Variants in TYW1B observed in about 807,000 individuals in gnomAD.
TYW1B encodes tRNA-yW synthesizing protein 1 homolog B.
TYW1B carries 73 observed loss-of-function variants against 86.9 expected under a neutral mutation model. The observed-to-expected ratio is 0.84, with a 90% CI of 0.70 to 1.02. The LOEUF (loss-of-function observed/expected upper bound fraction) is 1.02. Ranked by LOEUF, TYW1B falls within the 50% of genes least tolerant of loss-of-function variation. The probability of loss-of-function intolerance (pLI) is 0.00; values close to 1 mark genes in which losing one functional copy is unlikely to be tolerated. For synonymous variants in TYW1B, 248 were observed against 292.8 expected (o/e 0.85, Z 1.56); for missense variants, 637 against 827.4 (o/e 0.77, Z 2.82).
intron 6 of TYW1B, among the ~76,000 whole-genome samples, chr7:72,802,146 C>A (rs1788412977): frequency 6.6e-6 from 1 of 152,044 alleles, no homozygotes; most frequent in South Asian, 2.1e-4. Context: ...ATTGGACACC[C>A]CCGATCTACA....
In TYW1B at chr7:72,816,780, T is replaced by C. The variant is rs1218239614; in HGVS notation, c.136-1299A>G. 4.6e-5 allele frequency among the ~76,000 whole-genome samples: 7 copies of C among 152,098 alleles called. No individual in the cohort carries two copies. The South Asian group carries it at 1.5e-3, about 32-fold the overall frequency. On this transcript the variant is annotated intron_variant, in intron 2 of 13. Coordinates refer to ENST00000620995, the MANE Select transcript of TYW1B (RefSeq NM_001145440.3). ...GCCTCCAAGAAAAACCCCTGAACAA[T>C]GGAGACTGTTGACTTGGTGAACATA...
intron 7 of TYW1B, among the ~76,000 whole-genome samples, chr7:72,764,524 G>A (rs1212702182): frequency 1.3e-5 from 2 of 152,058 alleles, no homozygotes; most frequent in Non-Finnish European, 2.9e-5. Flanking sequence ...CTCGTCATCC[G>A]CCCACCTCGG....
At chr7:72,761,464 A>G (rs1407037290) in intron 7 of TYW1B, among the ~76,000 whole-genome samples, 1 of 152,032 alleles carries the variant, frequency 6.6e-6, no homozygotes, top group Admixed American at 6.6e-5. Context: ...ATTTTGAGTC[A>G]GACATAGTGG....
chr7:72,823,437 T>C (rs1160903924), intron 2 of TYW1B, among the ~76,000 whole-genome samples: 2 of 151,938 alleles, frequency 1.3e-5, no homozygotes, highest in African/African-American at 4.8e-5. Context: ...CAGACCACCA[T>C]GGTGAAACCC....
intron 11 of TYW1B, among the ~76,000 whole-genome samples, chr7:72,640,961 T>C (rs1554441414): frequency 1.3e-5 from 2 of 151,760 alleles, no homozygotes; most frequent in African/African-American, 2.4e-5. Flanking sequence ...GAAAAACAAC[T>C]GGGGAGAACA....
At chr7:72,622,826 C>T (rs1170987299) in intron 12 of TYW1B, among the ~76,000 whole-genome samples, 2 of 143,572 alleles carry the variant, frequency 1.4e-5, no homozygotes, top group Non-Finnish European at 3.2e-5. Flanking sequence ...ACACACACTA[C>T]ACAAACACAC....
At chr7:72,764,402 C>T (rs1455262068) in intron 7 of TYW1B, among the ~76,000 whole-genome samples, 2 of 152,198 alleles carry the variant, frequency 1.3e-5, no homozygotes, top group African/African-American at 4.8e-5. Context: ...TCTGCCTCAG[C>T]CTCCCGAGTA....
At chr7:72,576,918 G>A (rs1199840293) in intron 13 of TYW1B, among the ~76,000 whole-genome samples, 4 of 151,974 alleles carry the variant, frequency 2.6e-5, no homozygotes, top group African/African-American at 7.2e-5. Flanking sequence ...CCTGAGGTCG[G>A]GAGTTCAAGA....
chr7:72,630,182 G>A (rs1453686000), intron 11 of TYW1B, among the ~76,000 whole-genome samples: 1 of 152,142 alleles, frequency 6.6e-6, no homozygotes, highest in African/African-American at 2.4e-5. Context: ...GGGAGGCTGA[G>A]GCAGGAGACT....
intron 7 of TYW1B, among the ~76,000 whole-genome samples, chr7:72,750,093 G>T (rs1554464789): frequency 1.3e-5 from 2 of 151,536 alleles, no homozygotes; most frequent in South Asian, 2.1e-4. Flanking sequence ...TTGAGATGGG[G>T]TCTTGCTATA....
intron 13 of TYW1B, among the ~76,000 whole-genome samples, chr7:72,587,848 C>T (rs1439300458): frequency 3.3e-5 from 5 of 151,970 alleles, no homozygotes; most frequent in Admixed American, 6.6e-5. Context: ...GTTCAGTCTA[C>T]ACCCAAGAAT....
chr7:72,746,607 T>C (rs1368096227), intron 7 of TYW1B, among the ~76,000 whole-genome samples: 1 of 152,176 alleles, frequency 6.6e-6, no homozygotes, highest in Admixed American at 6.6e-5. Context: ...TAATGAGGTA[T>C]TTAAGGTTAA....
chr7:72,813,593 C>T (rs1169651440), intron 3 of TYW1B, among the ~76,000 whole-genome samples: 3 of 152,242 alleles, frequency 2.0e-5, no homozygotes, highest in Admixed American at 2.0e-4. Flanking sequence ...ACAGGAGATG[C>T]TGATGCTGCT....
intron 13 of TYW1B, among the ~76,000 whole-genome samples, chr7:72,596,363 G>A (rs1811532508): frequency 6.6e-6 from 1 of 151,986 alleles, no homozygotes; most frequent in Non-Finnish European, 1.5e-5. Context: ...CACAAAACTG[G>A]AGGACTCACA....
At chr7:72,700,728 T>C (rs150748953) in intron 10 of TYW1B, among the ~76,000 whole-genome samples, 10 of 152,256 alleles carry the variant, frequency 6.6e-5, no homozygotes, top group Non-Finnish European at 8.8e-5. Flanking sequence ...ACTTCAGTGA[T>C]AGTCTATTTG....
chr7:72,630,358 G>A lies in TYW1B; in HGVS notation c.1507-1361C>T, dbSNP rs1413904172. On this transcript the variant is annotated intron_variant, in intron 11 of 13. Transcript: ENST00000620995. ...TGAGTAGGTGCAGGACCTGTGACTTGCCTATAACCAACAGACTATGGCAAA... is the reference window on the plus strand; with the variant it reads ...TGAGTAGGTGCAGGACCTGTGACTTACCTATAACCAACAGACTATGGCAAA... Among the ~76,000 whole-genome samples, 3 of 152,226 alleles carry A rather than the reference G, an allele frequency of 2.0e-5. No homozygotes were observed. The East Asian group carries it at 5.8e-4, about 29-fold the overall frequency.
At chr7:72,700,553 T>A (rs1193636417) in intron 10 of TYW1B, among the ~76,000 whole-genome samples, 2 of 152,170 alleles carry the variant, frequency 1.3e-5, no homozygotes, top group Admixed American at 6.5e-5. Flanking sequence ...CAGTGTGTTG[T>A]TTAATTTCCA....
At chr7:72,646,305 G>A (rs761968550) in intron 11 of TYW1B, among the ~76,000 whole-genome samples, 103 of 152,080 alleles carry the variant, frequency 6.8e-4, no homozygotes, top group Admixed American at 1.2e-3. Context: ...CAAGTGATCC[G>A]CACACCTTGG....
chr7:72,618,227 A>ATTTT (rs869158136), intron 12 of TYW1B, among the ~76,000 whole-genome samples: 1,933 of 103,558 alleles, frequency 0.019, 11 homozygotes, highest in African/African-American at 0.031. Flanking sequence ...ATGACACTGA[A>ATTTT]TTTTTTTTTT....
Sources: gnomAD v4.1 joint callset for allele counts (sites outside exome capture counted in the v4.1 genomes callset) on GRCh38, gnomAD v4.1.1 for gene constraint, MANE v1.5 for transcripts, NCBI Gene and HGNC (gene_info 2026-07-23, HGNC 2026-07-21) for gene names.